The following PSD3 variants were observed in gnomAD, a reference collection of about 807,000 sequenced individuals.
PSD3 encodes PH and SEC7 domain-containing protein 3.
A neutral mutation model predicts 105.5 loss-of-function variants in PSD3; 49 were observed. That is an observed-to-expected ratio of 0.46 (90% confidence interval 0.37 to 0.59). PSD3 has a LOEUF of 0.59. Ranked by LOEUF, PSD3 falls within the 20% of genes least tolerant of loss-of-function variation. The pLI is 0.00. For missense variants in PSD3, 1,561 were observed against 1,263.8 expected, an observed-to-expected ratio of 1.24 and a Z score of -3.57; for synonymous variants, 557 against 457.8, an observed-to-expected ratio of 1.22 and a Z score of -2.77.
At chr8:18,958,202 G>T (rs1026838196) in intron 1 of PSD3, among the ~76,000 whole-genome samples, 1 of 151,982 alleles carries the variant, frequency 6.6e-6, no homozygotes, top group Admixed American at 6.6e-5. Flanking sequence ...TGAAACTACC[G>T]CCAAGATATA....
Position 18,949,244 on chromosome 8 carries a change from AATATATAT to A in PSD3, c.22-13110_22-13103del, listed in dbSNP as rs1215845074. Among the ~76,000 whole-genome samples the A allele has an allele frequency of 7.6e-3, 109 of 14,374 alleles. 2 individuals carry two copies. The highest frequency in any genetic ancestry group is 0.013 in the East Asian group (7 of 560). 9.4% of individuals were successfully genotyped at this position (14,374 alleles called of 152,430 possible). On this transcript the variant is annotated intron_variant, in intron 1 of 15. Transcript: ENST00000327040. The stretch of plus-strand genomic sequence containing the variant: ...CTCAAAAAAAAAAAAAAAAAAAAAA[AATATATAT>A]ATATATATATATATATATATATATA...
intron 9 of PSD3, among the ~76,000 whole-genome samples, chr8:18,732,231 A>C (rs1803810594): frequency 6.6e-6 from 1 of 152,176 alleles, no homozygotes; most frequent in Admixed American, 6.5e-5. Context: ...AGAATGCCTA[A>C]CGAACTCGTA....
At chr8:18,672,792 T>C (rs1799855479) in intron 9 of PSD3, among the ~76,000 whole-genome samples, 1 of 152,222 alleles carries the variant, frequency 6.6e-6, no homozygotes, top group Admixed American at 6.5e-5. Flanking sequence ...GTCTGATAAC[T>C]GCTAGAGTAT....
At chr8:18,688,631 A>T (rs943832124) in intron 9 of PSD3, among the ~76,000 whole-genome samples, 2 of 152,184 alleles carry the variant, frequency 1.3e-5, no homozygotes, top group East Asian at 1.9e-4. Context: ...TAGTTTTCCA[A>T]TTGTTTTCTG....
chr8:19,041,594 T>A (rs770787642), intron 1 of PSD3, among the ~76,000 whole-genome samples: 4 of 152,224 alleles, frequency 2.6e-5, no homozygotes, highest in Admixed American at 6.5e-5. Context: ...CTACTGGAAA[T>A]GCTACATCTC....
chr8:18,758,433 A>G (rs1189785453), intron 9 of PSD3, among the ~76,000 whole-genome samples: 2 of 147,960 alleles, frequency 1.4e-5, no homozygotes, highest in Non-Finnish European at 3.0e-5. Context: ...TTTTTTTTTA[A>G]GAAGAATCAT....
Position 18,528,148 on chromosome 8 carries a change from A to G in PSD3, c.*7595T>C, listed in dbSNP as rs1799498573. 1 of 152,222 alleles carries G rather than the reference A, an allele frequency of 6.6e-6. No homozygotes were observed. Among genetic ancestry groups the G allele is most frequent in the Non-Finnish European group, 1.5e-5 (1 of 68,038 alleles). The allele number at this position is 152,222 out of a possible 1,614,324, so 9.4% of individuals were successfully genotyped here. ...AAATTCTCCGCTAGTGTACATTTAG[A>G]AATGGGTTCCTAAAGCTTGAGATAT... On this transcript the variant is annotated 3_prime_UTR_variant, in exon 16 of 16. Coordinates refer to ENST00000327040, the MANE Select transcript of PSD3 (RefSeq NM_015310.4).
intron 2 of PSD3, among the ~76,000 whole-genome samples, chr8:18,907,989 G>A (rs1819958579): frequency 1.3e-5 from 2 of 152,204 alleles, no homozygotes; most frequent in Non-Finnish European, 2.9e-5. Context: ...TATGCAACGT[G>A]AAATGGTTAA....
intron 9 of PSD3, among the ~76,000 whole-genome samples, chr8:18,690,503 C>T (rs900424456): frequency 1.3e-5 from 2 of 152,104 alleles, no homozygotes; most frequent in Non-Finnish European, 2.9e-5. Flanking sequence ...TATTTTGAAC[C>T]CCAGCAGATG....
chr8:18,780,641 C>A (rs760973430), intron 8 of PSD3, among the ~76,000 whole-genome samples: 3 of 152,058 alleles, frequency 2.0e-5, no homozygotes, highest in Non-Finnish European at 4.4e-5. Flanking sequence ...GTAAGCTCTG[C>A]GTCTTGGGTT....
At chr8:18,735,627 C>T (rs1361586179) in intron 9 of PSD3, among the ~76,000 whole-genome samples, 2 of 152,112 alleles carry the variant, frequency 1.3e-5, no homozygotes. Context: ...TTACTGGCAA[C>T]CTCAAGTGGG....
chr8:18,949,469 C>T (rs7015751), intron 1 of PSD3, among the ~76,000 whole-genome samples: 58,676 of 150,086 alleles, frequency 0.39, 11,669 homozygotes, highest in Non-Finnish European at 0.41. Context: ...AAATAACACA[C>T]GAAATATTTA....
intron 11 of PSD3, among the ~76,000 whole-genome samples, chr8:18,614,201 T>C (rs1805482221): frequency 6.6e-6 from 1 of 152,192 alleles, no homozygotes; most frequent in Admixed American, 6.5e-5. Context: ...TTGACTTTAC[T>C]TTTCTTTGGG....
intron 1 of PSD3, among the ~76,000 whole-genome samples, chr8:18,940,811 A>C (rs1822488240): frequency 6.6e-6 from 1 of 152,126 alleles, no homozygotes; most frequent in African/African-American, 2.4e-5. Context: ...GTATAATGGC[A>C]TGGAGATCTA....
intron 15 of PSD3, among the ~76,000 whole-genome samples, chr8:18,537,682 C>T (rs988098656): frequency 1.3e-5 from 2 of 148,162 alleles, no homozygotes; most frequent in African/African-American, 2.5e-5. Context: ...GCCTCTCATT[C>T]TTTTTTTTTT....
chr8:18,684,855 G>C (rs895755800), intron 9 of PSD3, among the ~76,000 whole-genome samples: 1 of 152,204 alleles, frequency 6.6e-6, no homozygotes, highest in African/African-American at 2.4e-5. Context: ...TGTTCTGTCA[G>C]TGTACACAGC....
rs75461168 is a variant in PSD3 at position 18,875,306 on chromosome 8, A to T, written c.131-2573T>A. 2.4e-3 allele frequency among the ~76,000 whole-genome samples: 370 copies of T among 152,322 alleles called. 2 individuals carry two copies. Among genetic ancestry groups the T allele is most frequent in the African/African-American group, 8.1e-3 (337 of 41,576 alleles). On this transcript the variant is annotated intron_variant, in intron 2 of 15. Coordinates refer to ENST00000327040, the MANE Select transcript of PSD3 (RefSeq NM_015310.4). Reference sequence around the variant, plus strand: ...TTTATAACACCTTCTACAAGACAGAACTAATAAAATGTAGCTTGCTTACAT... The same window carrying T: ...TTTATAACACCTTCTACAAGACAGATCTAATAAAATGTAGCTTGCTTACAT...
chr8:18,602,342 T>C (rs117460676), intron 11 of PSD3, among the ~76,000 whole-genome samples: 197 of 152,270 alleles, frequency 1.3e-3, no homozygotes, highest in Middle Eastern at 3.4e-3. Flanking sequence ...AAATGTGATT[T>C]TAAAAGTCAC....
intron 1 of PSD3, among the ~76,000 whole-genome samples, chr8:18,969,284 T>C (rs1824487235): frequency 6.6e-6 from 1 of 152,224 alleles, no homozygotes; most frequent in Non-Finnish European, 1.5e-5. Flanking sequence ...GTTGACAAAG[T>C]GTCCTACAAA....
Sources: allele counts gnomAD v4.1 joint callset (sites outside exome capture counted in the v4.1 genomes callset), GRCh38; gene constraint gnomAD v4.1.1; transcripts MANE v1.5; gene names NCBI Gene and HGNC (gene_info 2026-07-23, HGNC 2026-07-21).